Variants in THSD4 observed in about 807,000 individuals in gnomAD.
THSD4 encodes the protein thrombospondin type-1 domain-containing protein 4.
In THSD4, 69 loss-of-function variants were observed where a neutral mutation model predicts 119.0. The ratio of observed to expected loss-of-function variants is 0.58; its 90% confidence interval spans 0.48 to 0.71. THSD4 has a LOEUF of 0.71. THSD4 is among the 30% of genes least tolerant of loss of function. The pLI is 0.00. For missense variants in THSD4, 1,393 were observed against 1,391.1 expected, an observed-to-expected ratio of 1.00 and a Z score of -0.02; for synonymous variants, 524 against 540.4, an observed-to-expected ratio of 0.97 and a Z score of 0.42.
intron 8 of THSD4, among the ~76,000 whole-genome samples, chr15:71,717,701 G>C (rs11853294): frequency 2.0e-5 from 3 of 151,886 alleles, no homozygotes; most frequent in African/African-American, 7.3e-5. Context: ...CTAGCAGCAC[G>C]GGAGACAGAG....
rs75067882 is a variant in THSD4, at chr15:71,577,201, T to C, written c.1153-83329T>C. On this transcript the variant is annotated intron_variant, in intron 7 of 17. Transcript: ENST00000261862. Reference sequence around the variant, plus strand: ...TCCTTTTGTGGAAGGAAATTTTGTTTTGTATGTTGTTTTAAATCTCTTGCA... The same window carrying C: ...TCCTTTTGTGGAAGGAAATTTTGTTCTGTATGTTGTTTTAAATCTCTTGCA... Among the ~76,000 whole-genome samples the C allele has an allele frequency of 3.3e-3, 505 of 152,290 alleles. 5 individuals are homozygous for C. The highest frequency in any genetic ancestry group is 0.012 in the African/African-American group (480 of 41,574).
At chr15:71,273,994 C>T (rs924447449) in intron 6 of THSD4, among the ~76,000 whole-genome samples, 2 of 152,180 alleles carry the variant, frequency 1.3e-5, no homozygotes, top group African/African-American at 4.8e-5. Context: ...ATGGAAAATT[C>T]CAGCAGGTTT....
At chr15:71,371,895 C>T (rs1311494185) in intron 6 of THSD4, among the ~76,000 whole-genome samples, 1 of 152,200 alleles carries the variant, frequency 6.6e-6, no homozygotes, top group Non-Finnish European at 1.5e-5. Flanking sequence ...GTTCCATTCT[C>T]CCCATCACTT....
intron 8 of THSD4, among the ~76,000 whole-genome samples, chr15:71,695,533 T>TGTGTGTG (rs2052148297): frequency 6.6e-6 from 1 of 151,400 alleles, no homozygotes; most frequent in African/African-American, 2.4e-5. Flanking sequence ...TGTGTGTGTG[T>TGTGTGTG]TACAGCCCAG....
chr15:71,580,058 C>G (rs915773482), intron 7 of THSD4, among the ~76,000 whole-genome samples: 6 of 152,050 alleles, frequency 3.9e-5, no homozygotes, highest in Non-Finnish European at 8.8e-5. Context: ...GAAATTTGTG[C>G]TTTCCCAAGA....
At chr15:71,424,544 C>T (rs988410456) in intron 7 of THSD4, among the ~76,000 whole-genome samples, 2 of 152,118 alleles carry the variant, frequency 1.3e-5, no homozygotes, top group Non-Finnish European at 2.9e-5. Flanking sequence ...CAGAGATTCT[C>T]CCTCCCTCAC....
intron 6 of THSD4, among the ~76,000 whole-genome samples, chr15:71,386,681 C>T (rs970137783): frequency 2.0e-5 from 3 of 152,282 alleles, no homozygotes; most frequent in Non-Finnish European, 4.4e-5. Context: ...GACTCAGCTT[C>T]GCTTTCTAAA....
chr15:71,612,484 G>A (rs1000922922), intron 7 of THSD4, among the ~76,000 whole-genome samples: 1 of 152,252 alleles, frequency 6.6e-6, no homozygotes, highest in Non-Finnish European at 1.5e-5. Flanking sequence ...CCTAGGCTCA[G>A]TGAGGTTGCT....
At position 71,641,588 on chromosome 15, in the gene THSD4, C is replaced by G. The variant is rs78570724; in HGVS notation, c.1153-18942C>G. On this transcript the variant is annotated intron_variant, in intron 7 of 17. Transcript: ENST00000261862. Reference sequence around the variant, plus strand: ...AGTGTATGGCCAACAGAACTGCAATCCTGGAGGGGTGTGATTCCAAAGACA... The same window carrying G: ...AGTGTATGGCCAACAGAACTGCAATGCTGGAGGGGTGTGATTCCAAAGACA... Among the ~76,000 whole-genome samples, 495 of 152,210 alleles carry G rather than the reference C, an allele frequency of 3.3e-3. 3 individuals carry two copies. The highest frequency in any genetic ancestry group is 0.011 in the African/African-American group (470 of 41,518).
In THSD4 at chr15:71,775,706, G is replaced by A. The variant is rs562367681; in HGVS notation, c.2915-1526G>A. ...AGCCTGGGTGATACAGCGAGACTCC[G>A]TCTCAAAAAAAATAAAATAAATAAA... On this transcript the variant is annotated intron_variant, in intron 17 of 17. Coordinates refer to ENST00000261862, the MANE Select transcript of THSD4 (RefSeq NM_024817.3). Among the ~76,000 whole-genome samples, 22 of 151,992 alleles carry A rather than the reference G, an allele frequency of 1.4e-4. No homozygotes were observed. The South Asian group carries it at 2.9e-3, about 20-fold the overall frequency.
intron 7 of THSD4, among the ~76,000 whole-genome samples, chr15:71,563,323 A>G (rs2140884766): frequency 6.6e-6 from 1 of 152,294 alleles, no homozygotes; most frequent in Non-Finnish European, 1.5e-5. Context: ...CTCGGATAGT[A>G]AAGACTCTGT....
At chr15:71,347,988 C>T (rs993606091) in intron 6 of THSD4, among the ~76,000 whole-genome samples, 1 of 152,176 alleles carries the variant, frequency 6.6e-6, no homozygotes, top group Non-Finnish European at 1.5e-5. Flanking sequence ...ACCCATGGGT[C>T]TATCCCTGTT....
intron 6 of THSD4, among the ~76,000 whole-genome samples, chr15:71,267,960 C>A (rs547927943): frequency 6.6e-6 from 1 of 152,274 alleles, no homozygotes; most frequent in East Asian, 1.9e-4. Flanking sequence ...ATTCATAAAA[C>A]AACTTCTTAG....
chr15:71,643,375 CAG>C (rs533140488), intron 7 of THSD4, among the ~76,000 whole-genome samples: 6 of 152,234 alleles, frequency 3.9e-5, no homozygotes, highest in Non-Finnish European at 7.4e-5. Context: ...ACTCATGTCA[CAG>C]GGGCTTGTTG....
chr15:71,720,349 C>T (rs1374488051), intron 8 of THSD4, among the ~76,000 whole-genome samples: 2 of 152,158 alleles, frequency 1.3e-5, no homozygotes, highest in Non-Finnish European at 2.9e-5. Flanking sequence ...CTGTGCCCAG[C>T]CATATGCTTC....
chr15:71,238,822 G>A (rs2044128132), intron 4 of THSD4, among the ~76,000 whole-genome samples: 1 of 152,106 alleles, frequency 6.6e-6, no homozygotes, highest in African/African-American at 2.4e-5. Flanking sequence ...GACTGCAATT[G>A]CTAGGTCTTG....
intron 7 of THSD4, among the ~76,000 whole-genome samples, chr15:71,519,932 AAAG>A (rs2048415528): frequency 6.6e-6 from 1 of 152,194 alleles, no homozygotes; most frequent in Non-Finnish European, 1.5e-5. Context: ...AGCCTTCAGA[AAAG>A]AAGATGTAGC....
At chr15:71,555,882 T>C (rs895718006) in intron 7 of THSD4, among the ~76,000 whole-genome samples, 1 of 152,174 alleles carries the variant, frequency 6.6e-6, no homozygotes, top group African/African-American at 2.4e-5. Flanking sequence ...TGGCAATGAG[T>C]TACTACAGGA....
intron 14 of THSD4, 60 bp from the exon 15 acceptor site, chr15:71,757,842 A>T (rs8026307): frequency 1.3e-6 from 2 of 1,595,884 alleles, no homozygotes; most frequent in East Asian, 2.2e-5. Context: ...CCATCATTTG[A>T]AAGTGGCTTC....
Sources: gnomAD v4.1 joint callset for allele counts (sites outside exome capture counted in the v4.1 genomes callset) on GRCh38, gnomAD v4.1.1 for gene constraint, MANE v1.5 for transcripts, NCBI Gene and HGNC (gene_info 2026-07-23, HGNC 2026-07-21) for gene names.